Variants in TMEM117 observed in about 807,000 individuals in gnomAD.
TMEM117 encodes transmembrane protein 117.
A neutral mutation model predicts 52.4 loss-of-function variants in TMEM117; 27 were observed. The observed-to-expected ratio is 0.51, with a 90% confidence interval of 0.38 to 0.71. The LOEUF (loss-of-function observed/expected upper bound fraction) is 0.71, where lower values mean the gene tolerates loss of function less well. Among genes scored for constraint, TMEM117 ranks in the 30% least tolerant of loss-of-function variants. TMEM117 has a pLI of 0.00. For synonymous variants in TMEM117, 215 were observed against 206.3 expected, an observed-to-expected ratio of 1.04 and a Z score of -0.36; for missense variants, 556 against 630.5, an observed-to-expected ratio of 0.88 and a Z score of 1.26.
intron 4 of TMEM117, among the ~76,000 whole-genome samples, chr12:44,165,154 G>A (rs1948949087): frequency 6.6e-6 from 1 of 152,004 alleles, no homozygotes; most frequent in African/African-American, 2.4e-5. Flanking sequence ...AACTTTTTTA[G>A]CTCCACATAT....
chr12:43,834,259 G>A (rs185417274), upstream of TMEM117, among the ~76,000 whole-genome samples: 1 of 152,138 alleles, frequency 6.6e-6, no homozygotes, highest in Non-Finnish European at 1.5e-5. Context: ...TTACCCACGT[G>A]TAACAGTTTA....
intron 4 of TMEM117, among the ~76,000 whole-genome samples, chr12:44,163,418 T>G (rs1948923995): frequency 6.6e-6 from 1 of 152,220 alleles, no homozygotes; most frequent in Non-Finnish European, 1.5e-5. Context: ...AATATAAATT[T>G]TCTATCTTTA....
chr12:44,103,769 C>T (rs11613956), intron 3 of TMEM117, among the ~76,000 whole-genome samples: 4,493 of 151,954 alleles, frequency 0.03, 99 homozygotes, highest in Admixed American at 0.038. Flanking sequence ...ATGGCTGAGT[C>T]GATACCATCA....
chr12:44,106,532 T>C (rs1239995358), intron 3 of TMEM117, among the ~76,000 whole-genome samples: 1 of 152,082 alleles, frequency 6.6e-6, no homozygotes, highest in Non-Finnish European at 1.5e-5. Flanking sequence ...AAGTTTCAGT[T>C]AAACAGGAGA....
intron 2 of TMEM117, among the ~76,000 whole-genome samples, chr12:43,915,146 T>G (rs1287235307): frequency 1.3e-5 from 2 of 152,170 alleles, no homozygotes; most frequent in Non-Finnish European, 2.9e-5. Flanking sequence ...CATACAGACA[T>G]CCAGGTTCTC....
rs546478632 is a variant in TMEM117 at position 44,343,227 on chromosome 12, A to G, written c.769-33368A>G. 1.6e-4 allele frequency among the ~76,000 whole-genome samples: 24 copies of G among 152,174 alleles called. 1 individual carries two copies. In the East Asian group the frequency reaches 4.6e-3, roughly 29 times the overall value. On this transcript the variant is annotated intron_variant, in intron 6 of 7. Transcript: ENST00000266534. ...CTTGGCCTCCCAAAGTGCTGGGATT[A>G]TAGGCATGAGCCACCACACCCGGCC... is the stretch of plus-strand genomic sequence containing the variant.
At chr12:44,130,959 T>G (rs1331829813) in intron 3 of TMEM117, among the ~76,000 whole-genome samples, 1 of 152,128 alleles carries the variant, frequency 6.6e-6, no homozygotes, top group Non-Finnish European at 1.5e-5. Flanking sequence ...TTTTACATCT[T>G]TTCATAGGAC....
At chr12:44,110,238 C>T (rs1402576620) in intron 3 of TMEM117, among the ~76,000 whole-genome samples, 18 of 149,736 alleles carry the variant, frequency 1.2e-4, no homozygotes, top group Non-Finnish European at 2.5e-4. Flanking sequence ...GAACTTCCAA[C>T]ACTATGTTGA....
intron 2 of TMEM117, among the ~76,000 whole-genome samples, chr12:43,866,432 A>T (rs1176362259): frequency 6.7e-6 from 1 of 149,990 alleles, no homozygotes; most frequent in East Asian, 2.0e-4. Flanking sequence ...AAAAAAAGTT[A>T]TGTGAAGCGG....
Position 44,388,622 on chromosome 12 carries a change from A to C in TMEM117, c.1495A>C (p.Thr499Pro). Residue 499 changes from threonine (T) to proline (P), a missense_variant, in exon 8 of 8, where the codon ACA (threonine) becomes CCA (proline). Thr to Pro is a conservative substitution (Grantham distance 38). Around this residue, in one of 3 missense-constraint regions of TMEM117, gnomAD observed 206 missense variants for 211.1 expected, o/e 0.98. Transcript: ENST00000266534. ...SSQLNESTSA[T>P]EADQDPTTSK... The stretch of plus-strand genomic sequence containing the variant: ...ACAGTTGAACGAATCTACTAGTGCA[A>C]CAGAAGCTGATCAAGACCCAACGAC... The C allele has an allele frequency of 6.2e-7, 1 of 1,613,482 alleles. No individual in the cohort carries two copies. Among genetic ancestry groups the C allele is most frequent in the Non-Finnish European group, 8.5e-7 (1 of 1,179,546 alleles).
intron 5 of TMEM117, among the ~76,000 whole-genome samples, chr12:44,286,712 T>G (rs1441891576): frequency 6.6e-6 from 1 of 152,330 alleles, no homozygotes. Flanking sequence ...AATCTTGTTT[T>G]GGGAGATTAT....
chr12:43,935,180 G>A (rs1448203533), intron 2 of TMEM117, among the ~76,000 whole-genome samples: 4 of 151,912 alleles, frequency 2.6e-5, no homozygotes, highest in African/African-American at 9.7e-5. Flanking sequence ...CTAATTTTTT[G>A]TATTAGAGAC....
chr12:43,894,468 T>TG (rs1944163290), intron 2 of TMEM117, among the ~76,000 whole-genome samples: 1 of 152,098 alleles, frequency 6.6e-6, no homozygotes, highest in Non-Finnish European at 1.5e-5. Context: ...ACATGTGTCA[T>TG]GGGGGTTGGT....
chr12:44,182,499 A>G (rs934326752), intron 4 of TMEM117, among the ~76,000 whole-genome samples: 1 of 152,186 alleles, frequency 6.6e-6, no homozygotes, highest in African/African-American at 2.4e-5. Context: ...ACAAAATTCA[A>G]CAACGCTTCA....
intron 3 of TMEM117, among the ~76,000 whole-genome samples, chr12:44,134,883 G>A (rs958284948): frequency 1.3e-5 from 2 of 152,106 alleles, no homozygotes; most frequent in Non-Finnish European, 2.9e-5. Flanking sequence ...TTCTTAGGAA[G>A]CAACATGGAT....
rs151228588 is a variant in TMEM117, at chr12:44,292,790, T to C, written c.609-6790T>C. On this transcript the variant is annotated intron_variant, in intron 5 of 7. Transcript: ENST00000266534. ...TTTACAAAATCTTCCTGTTACTGAT[T>C]TCTGGTTTCATACTATTGTGGTCAG... is the stretch of plus-strand genomic sequence containing the variant. Among the ~76,000 whole-genome samples, 275 of 152,206 alleles carry C rather than the reference T, an allele frequency of 1.8e-3. 2 individuals are homozygous for C. The highest frequency in any genetic ancestry group is 6.3e-3 in the African/African-American group (263 of 41,584).
At chr12:44,092,220 G>T (rs1947685396) in intron 3 of TMEM117, among the ~76,000 whole-genome samples, 1 of 152,158 alleles carries the variant, frequency 6.6e-6, no homozygotes, top group Non-Finnish European at 1.5e-5. Context: ...CCACTGTGTG[G>T]GATTAAATGC....
chr12:44,004,155 C>T (rs1156997087), intron 3 of TMEM117, among the ~76,000 whole-genome samples: 1 of 152,176 alleles, frequency 6.6e-6, no homozygotes, highest in Non-Finnish European at 1.5e-5. Flanking sequence ...ACCATGTTTC[C>T]TGCTCTCGAA....
intron 2 of TMEM117, among the ~76,000 whole-genome samples, chr12:43,877,779 A>G (rs1943825806): frequency 6.6e-6 from 1 of 152,148 alleles, no homozygotes; most frequent in African/African-American, 2.4e-5. Flanking sequence ...ACATAATATT[A>G]TGTAGCCCTT....
Sources: gnomAD v4.1 joint callset for allele counts (sites outside exome capture counted in the v4.1 genomes callset) on GRCh38, gnomAD v4.1.1 for gene constraint, gnomAD v4.1.1 regional missense constraint, MANE v1.5 for transcripts, NCBI Gene and HGNC (gene_info 2026-07-23, HGNC 2026-07-21) for gene names.